Variants in TEAD1 observed in about 807,000 individuals in gnomAD.
TEAD1 encodes the protein TEA domain transcription factor 1, also known as transcriptional enhancer factor TEF-1.
In TEAD1, 9 loss-of-function variants were observed where a neutral mutation model predicts 54.9. That is an observed-to-expected ratio of 0.16 (90% confidence interval 0.10 to 0.29). TEAD1 has a LOEUF of 0.29. Ranked by LOEUF, TEAD1 falls within the 10% of genes least tolerant of loss-of-function variation. The probability of loss-of-function intolerance (pLI) is 1.00; values close to 1 mark genes in which losing one functional copy is unlikely to be tolerated. For synonymous variants in TEAD1, 200 were observed against 187.8 expected (o/e 1.07, Z -0.53); for missense variants, 387 against 535.9 (o/e 0.72, Z 2.74).
chr11:12,912,191 A>G lies in TEAD1; in HGVS notation c.873+10078A>G, dbSNP rs142244347. Among the ~76,000 whole-genome samples, 633 of 152,226 alleles carry G rather than the reference A, an allele frequency of 4.2e-3. 6 individuals carry two copies. Among genetic ancestry groups the G allele is most frequent in the African/African-American group, 0.013 (540 of 41,538 alleles). Reference sequence around the variant, plus strand: ...AAAGTCATTCAACAAACATTTGCCAATGTCGTCTTTGCTTCTGGAAAACTG... The same window carrying G: ...AAAGTCATTCAACAAACATTTGCCAGTGTCGTCTTTGCTTCTGGAAAACTG... On this transcript the variant is annotated intron_variant, in intron 10 of 12. Coordinates refer to ENST00000527636, the MANE Select transcript of TEAD1 (RefSeq NM_021961.6).
chr11:12,879,581 A>C (rs544628835), intron 5 of TEAD1, 127 bp from the exon 6 acceptor site: 1 of 1,102,906 alleles, frequency 9.1e-7, no homozygotes, highest in African/African-American at 1.5e-5. Flanking sequence ...TTATCCATGC[A>C]TGTTTGCTTT....
chr11:12,821,778 T>C (rs1367562109), intron 3 of TEAD1, among the ~76,000 whole-genome samples: 1 of 152,058 alleles, frequency 6.6e-6, no homozygotes, highest in Non-Finnish European at 1.5e-5. Flanking sequence ...TATCCAGTAT[T>C]AGCATTGATA....
At chr11:12,776,809 T>C (rs906780015) in intron 3 of TEAD1, among the ~76,000 whole-genome samples, 8 of 145,472 alleles carry the variant, frequency 5.5e-5, no homozygotes, top group Non-Finnish European at 1.5e-5. Flanking sequence ...ATCATTATTA[T>C]TATTTTTGAG....
chr11:12,706,166 A>AT (rs1410382744), intron 2 of TEAD1, among the ~76,000 whole-genome samples: 1 of 152,208 alleles, frequency 6.6e-6, no homozygotes, highest in Non-Finnish European at 1.5e-5. Context: ...GTATCTGGGG[A>AT]TTTTTAGAGC....
At chr11:12,863,451 T>C (rs1036354568) in intron 4 of TEAD1, among the ~76,000 whole-genome samples, 1 of 151,900 alleles carries the variant, frequency 6.6e-6, no homozygotes, top group African/African-American at 2.4e-5. Flanking sequence ...CTGAAGAGGA[T>C]GGGGGAGTTT....
At position 12,929,163 on chromosome 11, in the gene TEAD1, C is replaced by CGTGTGTGTGTGTGTGTGTGTGTGT. The variant is rs60060462; in HGVS notation, c.1015-996_1015-973dup. ...ATCTGCTGTGTTTTCTTTGCTTTGCCGTGTGTGTGTGTGTGTGTGTGTGTG... is the reference window on the plus strand; with the variant it reads ...ATCTGCTGTGTTTTCTTTGCTTTGCCGTGTGTGTGTGTGTGTGTGTGTGTGTGTGTGTGTGTGTGTGTGTGTGTG... On this transcript the variant is annotated intron_variant, in intron 11 of 12. Coordinates refer to ENST00000527636, the MANE Select transcript of TEAD1 (RefSeq NM_021961.6). 1.1e-4 allele frequency among the ~76,000 whole-genome samples: 12 copies of CGTGTGTGTGTGTGTGTGTGTGTGT among 106,814 alleles called. No homozygotes were observed. In the South Asian group the frequency reaches 1.2e-3, roughly 10 times the overall value. 70.1% of individuals were successfully genotyped at this position (106,814 alleles called of 152,430 possible).
At chr11:12,732,177 T>C (rs1182588396) in intron 2 of TEAD1, among the ~76,000 whole-genome samples, 1 of 152,166 alleles carries the variant, frequency 6.6e-6, no homozygotes, top group Non-Finnish European at 1.5e-5. Flanking sequence ...TTTGAGATAG[T>C]ATCAGGAATA....
chr11:12,910,280 G>T (rs187609124), intron 10 of TEAD1, among the ~76,000 whole-genome samples: 13 of 152,300 alleles, frequency 8.5e-5, no homozygotes, highest in Admixed American at 7.8e-4. Flanking sequence ...TAAAATTACA[G>T]ATTTAACCAA....
chr11:12,894,539 G>C (rs891470887), intron 9 of TEAD1, among the ~76,000 whole-genome samples: 1 of 152,150 alleles, frequency 6.6e-6, no homozygotes, highest in Non-Finnish European at 1.5e-5. Context: ...CCACTTTTGG[G>C]AACAGACTTT....
At chr11:12,716,155 G>A (rs1018781243) in intron 2 of TEAD1, among the ~76,000 whole-genome samples, 1 of 152,032 alleles carries the variant, frequency 6.6e-6, no homozygotes, top group Non-Finnish European at 1.5e-5. Flanking sequence ...GGGATGGGAG[G>A]GGGAGCAGTC....
At chr11:12,923,691 G>A (rs1948854907) in intron 10 of TEAD1, among the ~76,000 whole-genome samples, 1 of 152,152 alleles carries the variant, frequency 6.6e-6, no homozygotes, top group African/African-American at 2.4e-5. Flanking sequence ...CTAGAGGCTG[G>A]GATGTCCAAG....
intron 4 of TEAD1, among the ~76,000 whole-genome samples, 164 bp downstream of exon 4, chr11:12,862,478 C>A (rs891900825): frequency 1.3e-5 from 2 of 152,196 alleles, no homozygotes; most frequent in African/African-American, 4.8e-5. Flanking sequence ...TTTCACTGTT[C>A]ATCATTTCAG....
chr11:12,917,827 A>G (rs1721064314), intron 10 of TEAD1, among the ~76,000 whole-genome samples: 1 of 152,164 alleles, frequency 6.6e-6, no homozygotes, highest in African/African-American at 2.4e-5. Context: ...TACCTTCCCC[A>G]GCCATATTTC....
In TEAD1 at chr11:12,692,777, A is replaced by C. The variant is rs1251750761; in HGVS notation, c.-55+17216A>C. On this transcript the variant is annotated intron_variant, in intron 2 of 12. Transcript: ENST00000527636. ...AAGTGGTAAAAGCTACCAAAGAAAA[A>C]GCTGGACTGGAGCCACTGACGTCAT... Among the ~76,000 whole-genome samples the C allele has an allele frequency of 2.6e-5, 4 of 152,306 alleles. No individual in the cohort carries two copies. In the East Asian group the frequency reaches 5.8e-4, roughly 22 times the overall value.
intron 9 of TEAD1, among the ~76,000 whole-genome samples, chr11:12,887,384 C>T (rs765509086): frequency 5.3e-5 from 8 of 152,116 alleles, no homozygotes; most frequent in South Asian, 2.1e-4. Flanking sequence ...CGTGAACCAC[C>T]GTGCCCGGCC....
intron 2 of TEAD1, among the ~76,000 whole-genome samples, chr11:12,758,448 T>C (rs368611411): frequency 2.1e-5 from 3 of 145,850 alleles, no homozygotes; most frequent in Non-Finnish European, 4.5e-5. Context: ...TATCACTCTG[T>C]CGCCTAGGCT....
chr11:12,807,828 C>A (rs937148502), intron 3 of TEAD1, among the ~76,000 whole-genome samples: 1 of 152,144 alleles, frequency 6.6e-6, no homozygotes, highest in Non-Finnish European at 1.5e-5. Context: ...GTGGCCAGAC[C>A]TGGACAGGTA....
intron 2 of TEAD1, among the ~76,000 whole-genome samples, chr11:12,727,288 A>G (rs2133873876): frequency 6.6e-6 from 1 of 152,322 alleles, no homozygotes; most frequent in Middle Eastern, 3.4e-3. Flanking sequence ...GGTTCACATT[A>G]TAGTTCTGTG....
chr11:12,791,837 G>A (rs1348977939), intron 3 of TEAD1, among the ~76,000 whole-genome samples: 1 of 152,198 alleles, frequency 6.6e-6, no homozygotes, highest in Non-Finnish European at 1.5e-5. Context: ...AAAAGCCCAA[G>A]GAAGCAGCCC....
Sources: gnomAD v4.1 joint callset for allele counts (sites outside exome capture counted in the v4.1 genomes callset) on GRCh38, gnomAD v4.1.1 for gene constraint, MANE v1.5 for transcripts, NCBI Gene and HGNC (gene_info 2026-07-23, HGNC 2026-07-21) for gene names.